SLC45A1: variants seen among roughly 807,000 people sequenced by gnomAD.
SLC45A1 encodes proton-associated sugar transporter A.
SLC45A1 carries 28 observed loss-of-function variants against 57.6 expected under a neutral mutation model. The ratio of observed to expected loss-of-function variants is 0.49; its 90% CI spans 0.36 to 0.67. SLC45A1 has a LOEUF of 0.67. Among genes scored for constraint, SLC45A1 ranks in the 30% least tolerant of loss-of-function variants. The pLI, the probability that SLC45A1 is intolerant of heterozygous loss-of-function variation, is 0.00. For missense variants in SLC45A1, 814 were observed against 1,041.5 expected, an observed-to-expected ratio of 0.78 and a Z score of 3.01; for synonymous variants, 459 against 471.5, an observed-to-expected ratio of 0.97 and a Z score of 0.34.
chr1:8,333,846 G>A (rs1640505344), intron 5 of SLC45A1, among the ~76,000 whole-genome samples: 1 of 152,252 alleles, frequency 6.6e-6, no homozygotes, highest in Non-Finnish European at 1.5e-5. Context: ...GAAGGACACT[G>A]CCCAGGCATG....
At position 8,343,976 on chromosome 1, in the gene SLC45A1, C is replaced by A. The variant is rs1640916620; in HGVS notation, c.2210C>A (p.Ala737Glu). 2 of 1,613,544 alleles carry A rather than the reference C, an allele frequency of 1.2e-6. No individual in the cohort carries two copies. The highest frequency in any genetic ancestry group is 4.5e-5 in the East Asian group (2 of 44,854). Residue 737 changes from alanine to glutamate, a missense_variant, in exon 9 of 9, where the codon GCA (alanine) becomes GAA (glutamate). Transcript: ENST00000471889. The surrounding 1 kb of genome is among the most constrained non-coding windows in gnomAD (Gnocchi z 7.7). ...TATGAAATTCCTCCCAGCGACGCTGCAGACGAGGAGCACCGGCCCCTCCTG... is the reference window on the plus strand; with the variant it reads ...TATGAAATTCCTCCCAGCGACGCTGAAGACGAGGAGCACCGGCCCCTCCTG... ...VIYEIPPSDA[A>E]DEEHRPLLLN...
intron 5 of SLC45A1, among the ~76,000 whole-genome samples, chr1:8,333,060 C>G (rs1453496494): frequency 2.0e-5 from 3 of 152,072 alleles, no homozygotes; most frequent in Admixed American, 6.5e-5. Context: ...GCCGTGTCTC[C>G]TGAATGAAGT....
In SLC45A1 at chr1:8,339,481, T is replaced by C. The variant is rs1261997581; in HGVS notation, c.1775-12T>C. On this transcript the variant is annotated splice_polypyrimidine_tract_variant and intron_variant, in intron 7 of 8. Coordinates refer to ENST00000471889, the MANE Select transcript of SLC45A1 (RefSeq NM_001080397.3). ...GCCGTGTGGCACTGCTCACCCTCTC[T>C]GTGGCCCGCAGCTATCCTGGAGAAG... 4 of 1,613,834 alleles carry C rather than the reference T, an allele frequency of 2.5e-6. No homozygotes were observed. Among genetic ancestry groups the C allele is most frequent in the Non-Finnish European group, 3.4e-6 (4 of 1,179,914 alleles).
At chr1:8,339,815 C>A in intron 8 of SLC45A1, 117 bp downstream of exon 8, 1 of 993,278 alleles carries the variant, frequency 1.0e-6, no homozygotes, top group Non-Finnish European at 1.6e-6. Context: ...GTCAAGACAG[C>A]GACCACAGAG....
chr1:8,340,214 G>A (rs1355172648), intron 8 of SLC45A1, among the ~76,000 whole-genome samples: 2 of 149,588 alleles, frequency 1.3e-5, no homozygotes, highest in African/African-American at 2.5e-5. Flanking sequence ...CTGTGCTGGA[G>A]TGTAGTGGTG....
At chr1:8,339,391 A>T in intron 7 of SLC45A1, 102 bp from the exon 8 acceptor site, 13 of 1,161,010 alleles carry the variant, frequency 1.1e-5, no homozygotes, top group Non-Finnish European at 1.5e-5. Flanking sequence ...GCCGGGTCCC[A>T]CCACTGCTAG....
intron 5 of SLC45A1, among the ~76,000 whole-genome samples, chr1:8,332,699 C>T (rs1210046972): frequency 5.3e-5 from 8 of 151,878 alleles, no homozygotes; most frequent in African/African-American, 9.7e-5. Flanking sequence ...TTAGTAGAGA[C>T]GGGGTTTCAC....
Position 8,335,517 on chromosome 1 carries a change from C to G in SLC45A1, c.1524C>G (p.Ser508=), listed in dbSNP as rs61743285. ...GCGAGCGCGCGGAGCAGCCTCTGTCCGTGGGGCGCCTCTGCTCCACCATCT... is the reference window on the plus strand; with the variant it reads ...GCGAGCGCGCGGAGCAGCCTCTGTCGGTGGGGCGCCTCTGCTCCACCATCT... ...GSSERAEQPL[S]VGRLCSTICN... The change falls in exon 6 of 9, where the codon TCC becomes TCG. Residue 508 remains serine, a synonymous_variant. Coordinates refer to ENST00000471889, the MANE Select transcript of SLC45A1 (RefSeq NM_001080397.3). The surrounding 1 kb of genome is among the most constrained non-coding windows in gnomAD (Gnocchi z 4.1). 6.2e-7 allele frequency: 1 copy of G among 1,605,036 alleles called. No homozygotes were observed. Among genetic ancestry groups the G allele is most frequent in the Admixed American group, 1.7e-5 (1 of 59,958 alleles).
intron 8 of SLC45A1, among the ~76,000 whole-genome samples, chr1:8,341,396 G>A (rs545403470): frequency 1.6e-4 from 24 of 148,370 alleles, no homozygotes; most frequent in South Asian, 6.6e-4. Flanking sequence ...TTAGCCAGGC[G>A]TGGTGGCGGA....
At chr1:8,332,083 C>T (rs573757487) in intron 5 of SLC45A1, among the ~76,000 whole-genome samples, 15 of 152,214 alleles carry the variant, frequency 9.9e-5, no homozygotes, top group African/African-American at 2.9e-4. Context: ...TGAGCCACTG[C>T]GCCCGGCCGA....
chr1:8,338,462 C>A (rs1640695346), intron 7 of SLC45A1, among the ~76,000 whole-genome samples: 1 of 152,240 alleles, frequency 6.6e-6, no homozygotes, highest in Non-Finnish European at 1.5e-5. Context: ...TCTGGGGTAC[C>A]CTTGGAGCAC....
intron 5 of SLC45A1, among the ~76,000 whole-genome samples, chr1:8,333,654 T>C (rs1640495141): frequency 6.6e-6 from 1 of 152,236 alleles, no homozygotes; most frequent in East Asian, 1.9e-4. Flanking sequence ...AAGCTGGTCT[T>C]GAACTCCTGG....
rs749157979 is a variant in SLC45A1 at position 8,326,000 on chromosome 1, G to A, written c.673G>A (p.Ala225Thr). 71 of 1,608,950 alleles carry A rather than the reference G, an allele frequency of 4.4e-5. No individual in the cohort carries two copies. Among genetic ancestry groups the A allele is most frequent in the Middle Eastern group, 1.6e-4 (1 of 6,082 alleles). Residue 225 changes from alanine to threonine, a missense_variant, in exon 4 of 9, where the codon GCA (alanine) becomes ACA (threonine). By Grantham distance (58) the Ala-to-Thr change is moderately conservative. Coordinates refer to ENST00000471889, the MANE Select transcript of SLC45A1 (RefSeq NM_001080397.3). The surrounding 1 kb of genome is among the most constrained non-coding windows in gnomAD (Gnocchi z 6.3). ...CTACATGATGGACGTGTGCAGCCCC[G>A]CAGACCAGGACCGAGGCCTGAACAT... is the stretch of plus-strand genomic sequence containing the variant. ...HAYMMDVCSP[A>T]DQDRGLNIHA... is the part of the protein sequence containing the mutation.
At chr1:8,342,529 C>T (rs1433807800) in intron 8 of SLC45A1, among the ~76,000 whole-genome samples, 5 of 152,144 alleles carry the variant, frequency 3.3e-5, no homozygotes, top group African/African-American at 4.8e-5. Context: ...AGGCAGTCTG[C>T]GGCCTCTCGT....
At position 8,325,413 on chromosome 1, in the gene SLC45A1, TAAAATGGAGAGGAAAA is replaced by T. The variant is rs1557559950; in HGVS notation, c.490+28_490+43del. 4 of 1,512,586 alleles carry T rather than the reference TAAAATGGAGAGGAAAA, an allele frequency of 2.6e-6. No homozygotes were observed. The highest frequency in any genetic ancestry group is 2.3e-5 in the East Asian group (1 of 44,302). 93.7% of individuals were successfully genotyped at this position (1,512,586 alleles called of 1,614,324 possible). On this transcript the variant is annotated intron_variant, in intron 3 of 8. Coordinates refer to ENST00000471889, the MANE Select transcript of SLC45A1 (RefSeq NM_001080397.3). The surrounding 1 kb of genome is among the most constrained non-coding windows in gnomAD (Gnocchi z 6.3). ...TAGGTCTGTTGTTTTGGCATGGAAA[TAAAATGGAGAGGAAAA>T]AAAAAAGGCCCCAACTGCTTCCTTT...
intron 6 of SLC45A1, among the ~76,000 whole-genome samples, chr1:8,337,103 T>A (rs1378265997): frequency 1.3e-5 from 2 of 152,214 alleles, no homozygotes; most frequent in Non-Finnish European, 2.9e-5. Context: ...AAAAGGAGGT[T>A]TAATGGACTC....
Position 8,328,390 on chromosome 1 carries a change from C to T in SLC45A1, c.716-1819C>T, listed in dbSNP as rs1640265894. ...GGAAAATGTTGCCGCTTCTCTTCCT[C>T]TTTCCACACGTGCGCTGCTGTGGGC... On this transcript the variant is annotated intron_variant, in intron 4 of 8. Coordinates refer to ENST00000471889, the MANE Select transcript of SLC45A1 (RefSeq NM_001080397.3). This position sits in a 1 kb window ranked among gnomAD's most constrained non-coding sequence, Gnocchi z 4.6. Among the ~76,000 whole-genome samples, 1 of 152,226 alleles carries T rather than the reference C, an allele frequency of 6.6e-6. No homozygotes were observed. Among genetic ancestry groups the T allele is most frequent in the Non-Finnish European group, 1.5e-5 (1 of 68,044 alleles).
At chr1:8,341,790 C>T (rs1409642078) in intron 8 of SLC45A1, among the ~76,000 whole-genome samples, 1 of 151,390 alleles carries the variant, frequency 6.6e-6, no homozygotes, top group Non-Finnish European at 1.5e-5. Flanking sequence ...CATGGTGGCC[C>T]GTGCCCATAA....
intron 7 of SLC45A1, among the ~76,000 whole-genome samples, chr1:8,338,778 A>T (rs1640707656): frequency 6.6e-6 from 1 of 151,168 alleles, no homozygotes; most frequent in Non-Finnish European, 1.5e-5. Flanking sequence ...TTTTAAATTA[A>T]TTTTTTTTTT....
Sources: allele counts gnomAD v4.1 joint callset (sites outside exome capture counted in the v4.1 genomes callset), GRCh38; gene constraint gnomAD v4.1.1; non-coding constraint Gnocchi (gnomAD v3.1); transcripts MANE v1.5; gene names NCBI Gene and HGNC (gene_info 2026-07-23, HGNC 2026-07-21).